Variants in DYNC1I2 observed in about 807,000 individuals in gnomAD.
The protein encoded by DYNC1I2 is dynein cytoplasmic 1 intermediate chain 2.
Under a neutral mutation model 88.6 loss-of-function variants are expected in DYNC1I2, and 53 were observed. That is an observed-to-expected ratio of 0.60 (90% CI 0.48 to 0.75). The LOEUF is 0.75. Ranked by LOEUF, DYNC1I2 falls within the 30% of genes least tolerant of loss-of-function variation. The pLI, the probability that DYNC1I2 is intolerant of heterozygous loss-of-function variation, is 0.00. For missense variants in DYNC1I2, 458 were observed against 766.6 expected (o/e 0.60, Z 4.75); for synonymous variants, 198 against 254.6 (o/e 0.78, Z 2.12).
At chr2:171,746,490 A>G (rs1689789181) in intron 17 of DYNC1I2, among the ~76,000 whole-genome samples, 1 of 152,082 alleles carries the variant, frequency 6.6e-6, no homozygotes, top group Admixed American at 6.5e-5. Flanking sequence ...AACCCTGGCT[A>G]GGGGTTAAAA....
At chr2:171,732,323 G>T (rs1688673996) in intron 15 of DYNC1I2, among the ~76,000 whole-genome samples, 1 of 152,236 alleles carries the variant, frequency 6.6e-6, no homozygotes, top group African/African-American at 2.4e-5. Flanking sequence ...TTGTGCCATT[G>T]CACTACAGCC....
intron 12 of DYNC1I2, 52 bp downstream of exon 12, chr2:171,728,019 C>A: frequency 1.3e-6 from 2 of 1,580,310 alleles, no homozygotes; most frequent in South Asian, 1.2e-5. Flanking sequence ...TCATCCTTAG[C>A]TATAATACTT....
intron 15 of DYNC1I2, among the ~76,000 whole-genome samples, chr2:171,731,294 TC>T (rs1294830811): frequency 6.6e-6 from 1 of 152,208 alleles, no homozygotes; most frequent in Non-Finnish European, 1.5e-5. Flanking sequence ...AGGCTGAGCA[TC>T]CCTAATCTGT....
chr2:171,738,946 C>A (rs1052242773), intron 15 of DYNC1I2, among the ~76,000 whole-genome samples: 10 of 152,004 alleles, frequency 6.6e-5, no homozygotes, highest in Admixed American at 2.6e-4. Flanking sequence ...GTCAGGAGTT[C>A]GAGGCCAGCC....
In DYNC1I2 at chr2:171,710,764, G is replaced by A. The variant is rs181813324; in HGVS notation, c.336-2003G>A. On this transcript the variant is annotated intron_variant, in intron 5 of 17. Transcript: ENST00000397119. ...GTTGTCCGGGCTGGGGTGCAATGGC[G>A]TGATCTCGGCTCACTTCAATCTCTG... 5.3e-5 allele frequency among the ~76,000 whole-genome samples: 8 copies of A among 149,736 alleles called. No homozygotes were observed. The East Asian group carries it at 1.4e-3, about 26-fold the overall frequency.
intron 3 of DYNC1I2, among the ~76,000 whole-genome samples, chr2:171,702,909 A>G (rs1686377896): frequency 6.6e-6 from 1 of 151,954 alleles, no homozygotes; most frequent in Non-Finnish European, 1.5e-5. Context: ...ATGGGGACTC[A>G]CCCATCTCTA....
chr2:171,745,938 C>A lies in DYNC1I2; in HGVS notation c.1803+11C>A. The A allele has an allele frequency of 6.2e-7, 1 of 1,612,764 alleles. No individual in the cohort carries two copies. Among genetic ancestry groups the A allele is most frequent in the Non-Finnish European group, 8.5e-7 (1 of 1,179,190 alleles). On this transcript the variant is annotated intron_variant, in intron 17 of 17. Transcript: ENST00000397119. ...TACGATGTGGGAGAGGTATGGGACT[C>A]CCTGCCTGTAATTTTGACACATCGA...
At position 171,730,000 on chromosome 2, in the gene DYNC1I2, G is replaced by A. The variant is rs1373750856; in HGVS notation, c.1536+147G>A. 19 of 869,422 alleles carry A rather than the reference G, an allele frequency of 2.2e-5. No individual in the cohort carries two copies. The Middle Eastern group carries it at 2.2e-3, about 102-fold the overall frequency. 53.9% of individuals were successfully genotyped at this position (869,422 alleles called of 1,614,324 possible). A position where few individuals can be genotyped will look rare whatever the true frequency, so the allele number is the denominator to read the frequency against. On this transcript the variant is annotated intron_variant, in intron 15 of 17. Coordinates refer to ENST00000397119, the MANE Select transcript of DYNC1I2 (RefSeq NM_001378.3). ...CTAGGAAGTTACACAGAGCATGAGT[G>A]AACTACTAGATGTTGTAATTTTTAT...
At chr2:171,694,042 CT>C (rs956017843) in intron 3 of DYNC1I2, among the ~76,000 whole-genome samples, 165 of 141,004 alleles carry the variant, frequency 1.2e-3, no homozygotes, top group Middle Eastern at 3.7e-3. Context: ...TTTCTTTCTT[CT>C]TTTTTTTTTT....
intron 12 of DYNC1I2, 119 bp from the exon 13 acceptor site, chr2:171,728,186 A>G (rs907388345): frequency 1.4e-6 from 1 of 725,100 alleles, no homozygotes; most frequent in African/African-American, 1.8e-5. Context: ...CAAACTTCAC[A>G]TTAAGAATAC....
At chr2:171,725,585 T>G (rs773858432) in intron 7 of DYNC1I2, 33 bp from the exon 8 acceptor site, 11 of 1,315,146 alleles carry the variant, frequency 8.4e-6, no homozygotes, top group Non-Finnish European at 1.1e-5. Flanking sequence ...TCTGTTTTTT[T>G]GTTTTTTTGT....
intron 15 of DYNC1I2, among the ~76,000 whole-genome samples, chr2:171,739,539 T>TA (rs969131031): frequency 2.6e-5 from 4 of 152,124 alleles, no homozygotes; most frequent in Middle Eastern, 3.4e-3. Context: ...AAAACCTCTT[T>TA]AAAAAATACT....
At chr2:171,715,523 T>C in intron 7 of DYNC1I2, 80 bp downstream of exon 7, 1 of 1,017,164 alleles carries the variant, frequency 9.8e-7, no homozygotes, top group Non-Finnish European at 1.4e-6. Context: ...CTTTGATTTT[T>C]GTTTTGTTTC....
At chr2:171,691,004 A>G in intron 2 of DYNC1I2, among the ~76,000 whole-genome samples, 1 of 152,302 alleles carries the variant, frequency 6.6e-6, no homozygotes, top group African/African-American at 2.4e-5. Context: ...TATATATCAT[A>G]ACTTAGTTTG....
intron 7 of DYNC1I2, among the ~76,000 whole-genome samples, chr2:171,724,693 C>T (rs568951744): frequency 6.6e-6 from 1 of 152,338 alleles, no homozygotes; most frequent in African/African-American, 2.4e-5. Flanking sequence ...ACTTGAACTG[C>T]ACTCTGGTGC....
At chr2:171,707,446 T>TA (rs1263519260) in intron 5 of DYNC1I2, 69 bp downstream of exon 5, 1 of 1,350,210 alleles carries the variant, frequency 7.4e-7, no homozygotes, top group African/African-American at 1.5e-5. Flanking sequence ...GTTGATACTT[T>TA]AAAGGGACTC....
At chr2:171,708,063 TCTCTCACA>T (rs1280964485) in intron 5 of DYNC1I2, among the ~76,000 whole-genome samples, 5 of 147,618 alleles carry the variant, frequency 3.4e-5, no homozygotes, top group African/African-American at 1.0e-4. Flanking sequence ...CCTCTTTGTC[TCTCTCACA>T]CACACACACA....
chr2:171,738,106 C>A (rs1689141255), intron 15 of DYNC1I2, among the ~76,000 whole-genome samples: 1 of 151,932 alleles, frequency 6.6e-6, no homozygotes. Flanking sequence ...CCGAGGCAGG[C>A]AGATCATCTG....
chr2:171,748,804 A>T lies in DYNC1I2; in HGVS notation c.*915A>T, dbSNP rs1489048804. On this transcript the variant is annotated 3_prime_UTR_variant, in exon 18 of 18. Transcript: ENST00000397119. ...ATGATTTCAGTAGCCATAAAGGCAAAGTGCTCAAATGGACCCATACTTTGG... is the reference window on the plus strand; with the variant it reads ...ATGATTTCAGTAGCCATAAAGGCAATGTGCTCAAATGGACCCATACTTTGG... Among the ~76,000 whole-genome samples the T allele has an allele frequency of 6.6e-6, 1 of 152,216 alleles. No homozygotes were observed. Among genetic ancestry groups the T allele is most frequent in the African/African-American group, 2.4e-5 (1 of 41,468 alleles).
Sources: allele counts gnomAD v4.1 joint callset (sites outside exome capture counted in the v4.1 genomes callset), GRCh38; gene constraint gnomAD v4.1.1; transcripts MANE v1.5; gene names NCBI Gene and HGNC (gene_info 2026-07-23, HGNC 2026-07-21).